The following EPM2A variants were observed in gnomAD, a reference collection of about 807,000 sequenced individuals.
The protein encoded by EPM2A is EPM2A glucan phosphatase, laforin.
In EPM2A, 21 loss-of-function variants were observed where a neutral mutation model predicts 26.5. That is an observed-to-expected ratio of 0.79 (90% CI 0.56 to 1.14). EPM2A has a LOEUF of 1.14. Among genes scored for constraint, EPM2A ranks in the 50% most tolerant of loss-of-function variants. The pLI, the probability that EPM2A is intolerant of heterozygous loss-of-function variation, is 0.00. For synonymous variants in EPM2A, 217 were observed against 177.6 expected (o/e 1.22, Z -1.76); for missense variants, 458 against 440.8 (o/e 1.04, Z -0.35).
intron 4 of EPM2A, among the ~76,000 whole-genome samples, chr6:145,440,303 T>C (rs915058348): frequency 6.6e-6 from 1 of 152,076 alleles, no homozygotes; most frequent in Non-Finnish European, 1.5e-5. Context: ...ATGAGAACAG[T>C]ATGGGGGAAA....
At chr6:145,632,956 T>C (rs1582927926) in intron 3 of EPM2A, among the ~76,000 whole-genome samples, 1 of 152,326 alleles carries the variant, frequency 6.6e-6, no homozygotes. Context: ...CAAATGCCAC[T>C]GCACTGTCTC....
chr6:145,584,270 T>G (rs1045834645), intron 2 of EPM2A, among the ~76,000 whole-genome samples: 3 of 152,090 alleles, frequency 2.0e-5, no homozygotes, highest in African/African-American at 7.2e-5. Flanking sequence ...AGGTGTGGTC[T>G]GCCAGCAAAG....
chr6:145,698,251 A>T (rs1024800268), intron 1 of EPM2A, among the ~76,000 whole-genome samples: 4 of 152,320 alleles, frequency 2.6e-5, no homozygotes, highest in African/African-American at 4.8e-5. Flanking sequence ...GACATTTGTT[A>T]TGCTTCAAAT....
At chr6:145,571,708 G>C (rs1280572506) in intron 2 of EPM2A, among the ~76,000 whole-genome samples, 1 of 152,196 alleles carries the variant, frequency 6.6e-6, no homozygotes, top group Non-Finnish European at 1.5e-5. Context: ...CCGTAGCCAG[G>C]TCAGCCTTGG....
intron 4 of EPM2A, among the ~76,000 whole-genome samples, chr6:145,419,326 A>G (rs1460131407): frequency 6.6e-6 from 1 of 152,194 alleles, no homozygotes; most frequent in African/African-American, 2.4e-5. Context: ...AATATTTCCA[A>G]AAGTCCTTCC....
intron 4 of EPM2A, chr6:145,490,051 T>C: frequency 7.7e-7 from 1 of 1,296,158 alleles, no homozygotes; most frequent in South Asian, 1.4e-5. Context: ...TCACTTGTGC[T>C]GAATCCACCT....
At chr6:145,655,356 T>G (rs1165059260) in intron 2 of EPM2A, among the ~76,000 whole-genome samples, 1 of 152,180 alleles carries the variant, frequency 6.6e-6, no homozygotes, top group Non-Finnish European at 1.5e-5. Context: ...TGCGTGTACC[T>G]TCTATGACCA....
chr6:145,473,060 G>A (rs1351669090), intron 4 of EPM2A, among the ~76,000 whole-genome samples: 1 of 151,880 alleles, frequency 6.6e-6, no homozygotes, highest in African/African-American at 2.4e-5. Context: ...AACCAAATAA[G>A]CACAAGGGAA....
intron 2 of EPM2A, chr6:145,638,430 T>C (rs1776855980): frequency 6.6e-6 from 1 of 152,194 alleles, no homozygotes; most frequent in Admixed American, 6.5e-5. Context: ...CAAATGTTTT[T>C]AAGGTGATAG....
intron 4 of EPM2A, among the ~76,000 whole-genome samples, chr6:145,472,633 C>T (rs952460988): frequency 6.6e-5 from 10 of 152,046 alleles, no homozygotes; most frequent in African/African-American, 2.4e-4. Context: ...TGGCAGTACT[C>T]CTCATGGCCT....
intron 2 of EPM2A, among the ~76,000 whole-genome samples, chr6:145,513,259 A>G (rs1394900266): frequency 6.6e-6 from 1 of 152,202 alleles, no homozygotes; most frequent in Non-Finnish European, 1.5e-5. Flanking sequence ...ATGAACAGAC[A>G]TGTCTCAAAA....
chr6:145,547,613 C>T (rs971032037), intron 2 of EPM2A, among the ~76,000 whole-genome samples: 1 of 152,060 alleles, frequency 6.6e-6, no homozygotes, highest in African/African-American at 2.4e-5. Flanking sequence ...TAATATATAC[C>T]TTGTAAAATT....
intron 4 of EPM2A, among the ~76,000 whole-genome samples, chr6:145,469,863 T>C (rs901659124): frequency 6.6e-6 from 1 of 152,156 alleles, no homozygotes; most frequent in South Asian, 2.1e-4. Flanking sequence ...GATTCTGTTA[T>C]TTACAACATC....
At chr6:145,479,046 T>C (rs1779579932) in intron 4 of EPM2A, among the ~76,000 whole-genome samples, 2 of 151,436 alleles carry the variant, frequency 1.3e-5, no homozygotes, top group South Asian at 2.1e-4. Flanking sequence ...TTTTAAAAGC[T>C]TGTTATCTGT....
rs2128614372 is a variant in EPM2A at position 145,686,238 on chromosome 6, A to G, written c.360T>C (p.Gly120=). ...CTYNENNLVD[G]VYCLPIGHWI... ...AGTGTCCTATTGGGAGACAATACAC[A>G]CCATCCACCAAGTTGTTTTCATTGT... Residue 120 remains glycine, a synonymous_variant, in exon 2 of 4, where the codon GGT becomes GGC. Coordinates refer to ENST00000367519, the MANE Select transcript of EPM2A (RefSeq NM_005670.4). 6.2e-7 allele frequency: 1 copy of G among 1,613,892 alleles called. No individual in the cohort carries two copies. The highest frequency in any genetic ancestry group is 8.5e-7 in the Non-Finnish European group (1 of 1,179,796).
At chr6:145,584,011 A>G (rs1448049331) in intron 2 of EPM2A, among the ~76,000 whole-genome samples, 2 of 152,076 alleles carry the variant, frequency 1.3e-5, no homozygotes, top group Non-Finnish European at 2.9e-5. Flanking sequence ...TGCTAGCAGG[A>G]GTGGGTGGGG....
intron 2 of EPM2A, among the ~76,000 whole-genome samples, chr6:145,668,539 G>A (rs549596303): frequency 1.3e-5 from 2 of 152,020 alleles, no homozygotes; most frequent in African/African-American, 4.8e-5. Flanking sequence ...TTTATGTTTT[G>A]GTCAGAAATT....
At chr6:145,573,025 C>G (rs1342622659) in intron 2 of EPM2A, among the ~76,000 whole-genome samples, 1 of 152,226 alleles carries the variant, frequency 6.6e-6, no homozygotes, top group Non-Finnish European at 1.5e-5. Flanking sequence ...CACCACTGGA[C>G]TTCTAGAAAT....
At chr6:145,668,114 T>G (rs1370544987) in intron 2 of EPM2A, among the ~76,000 whole-genome samples, 9 of 150,434 alleles carry the variant, frequency 6.0e-5, no homozygotes, top group Admixed American at 2.7e-4. Context: ...TGTATACATA[T>G]GTAACTAACC....
Sources: allele counts gnomAD v4.1 joint callset (sites outside exome capture counted in the v4.1 genomes callset), GRCh38; gene constraint gnomAD v4.1.1; transcripts MANE v1.5; gene names NCBI Gene and HGNC (gene_info 2026-07-23, HGNC 2026-07-21).